The following RGS7 variants were observed in gnomAD, a reference collection of about 807,000 sequenced individuals.
The protein encoded by RGS7 is regulator of G protein signaling 7, also known as regulator of G-protein signaling 7.
A neutral mutation model predicts 81.1 loss-of-function variants in RGS7; 27 were observed. The observed-to-expected ratio is 0.33, with a 90% CI of 0.25 to 0.46. The LOEUF is 0.46. Ranked by LOEUF, RGS7 falls within the 20% of genes least tolerant of loss-of-function variation. The pLI is 1.00. For synonymous variants in RGS7, 208 were observed against 207.7 expected, an observed-to-expected ratio of 1.00 and a Z score of -0.01; for missense variants, 396 against 607.4, an observed-to-expected ratio of 0.65 and a Z score of 3.66.
intron 2 of RGS7, among the ~76,000 whole-genome samples, chr1:241,204,902 C>T (rs2073773861): frequency 1.3e-5 from 2 of 152,008 alleles, no homozygotes. Flanking sequence ...ATCTTGCTAT[C>T]AGAACTGTTG....
intron 2 of RGS7, among the ~76,000 whole-genome samples, chr1:241,323,106 T>A (rs2081301547): frequency 6.6e-6 from 1 of 152,236 alleles, no homozygotes; most frequent in Non-Finnish European, 1.5e-5. Flanking sequence ...TCATATTTAT[T>A]ATCATACACT....
intron 3 of RGS7, among the ~76,000 whole-genome samples, chr1:241,076,511 T>C (rs79119078): frequency 1.4e-3 from 212 of 152,326 alleles, no homozygotes; most frequent in African/African-American, 4.8e-3. Context: ...CATTCTCATA[T>C]AGTGTTCAGT....
chr1:240,858,934 T>C (rs1165998441), intron 9 of RGS7, among the ~76,000 whole-genome samples: 1 of 152,188 alleles, frequency 6.6e-6, no homozygotes, highest in African/African-American at 2.4e-5. Flanking sequence ...ATGAGAGACA[T>C]TGGTGTGTAG....
At chr1:240,948,081 T>A (rs1211364708) in intron 4 of RGS7, among the ~76,000 whole-genome samples, 1 of 152,352 alleles carries the variant, frequency 6.6e-6, no homozygotes, top group South Asian at 2.1e-4. Context: ...CAGCCCTGAC[T>A]ACACTGGTGT....
Position 241,142,765 on chromosome 1 carries a change from C to T in RGS7, c.79-44003G>A, listed in dbSNP as rs114319316. On this transcript the variant is annotated intron_variant, in intron 2 of 18. Transcript: ENST00000440928. Reference sequence around the variant, plus strand: ...CTTGGTAATTAACATTCAGCTCCTCCTTACATATGCAAATTTATGCAGCCA... The same window carrying T: ...CTTGGTAATTAACATTCAGCTCCTCTTTACATATGCAAATTTATGCAGCCA... Among the ~76,000 whole-genome samples the T allele has an allele frequency of 2.8e-3, 425 of 152,318 alleles. 5 individuals are homozygous for T. The highest frequency in any genetic ancestry group is 9.5e-3 in the African/African-American group (394 of 41,568).
chr1:241,171,143 C>A (rs1205219154), intron 2 of RGS7, among the ~76,000 whole-genome samples: 1 of 152,260 alleles, frequency 6.6e-6, no homozygotes. Flanking sequence ...AAGAAACATA[C>A]CATATTTAGA....
At chr1:240,795,138 C>T (rs1686803650) in intron 18 of RGS7, among the ~76,000 whole-genome samples, 1 of 151,194 alleles carries the variant, frequency 6.6e-6, no homozygotes, top group South Asian at 2.1e-4. Context: ...GAGCCGAGAT[C>T]ACACCATTGC....
chr1:240,935,087 T>C (rs1676398608), intron 5 of RGS7, among the ~76,000 whole-genome samples: 1 of 151,034 alleles, frequency 6.6e-6, no homozygotes. Flanking sequence ...TTAGTAGAGA[T>C]GAGGTTTCAC....
chr1:241,333,963 T>G (rs1196079791), intron 2 of RGS7, among the ~76,000 whole-genome samples: 2 of 151,582 alleles, frequency 1.3e-5, no homozygotes, highest in Non-Finnish European at 2.9e-5. Context: ...TAATAGCAAT[T>G]ATAATATTAT....
At chr1:241,311,294 G>C (rs549958027) in intron 2 of RGS7, among the ~76,000 whole-genome samples, 2 of 152,232 alleles carry the variant, frequency 1.3e-5, no homozygotes, top group South Asian at 2.1e-4. Flanking sequence ...AGGGTGCAAC[G>C]CTCTAAAAAT....
intron 9 of RGS7, among the ~76,000 whole-genome samples, chr1:240,859,903 T>C (rs1460861157): frequency 1.3e-5 from 2 of 152,216 alleles, no homozygotes; most frequent in African/African-American, 2.4e-5. Context: ...TGATAAAGCA[T>C]ATTTTTATTT....
chr1:241,272,094 C>T (rs142239805), intron 2 of RGS7, among the ~76,000 whole-genome samples: 1,522 of 151,726 alleles, frequency 0.01, 11 homozygotes, highest in African/African-American at 0.02. Flanking sequence ...CCCGGGTTCA[C>T]GCCATTCTCC....
intron 2 of RGS7, among the ~76,000 whole-genome samples, chr1:241,327,374 A>G (rs1169672022): frequency 6.6e-6 from 1 of 152,188 alleles, no homozygotes; most frequent in Non-Finnish European, 1.5e-5. Flanking sequence ...TATTGCAATG[A>G]TGAAGGCAAT....
chr1:241,165,304 A>T (rs1558146653), intron 2 of RGS7, among the ~76,000 whole-genome samples: 1 of 152,212 alleles, frequency 6.6e-6, no homozygotes, highest in Non-Finnish European at 1.5e-5. Flanking sequence ...CTAGGGGTCG[A>T]GCACACAATA....
chr1:241,182,735 G>A (rs1263392126), intron 2 of RGS7, among the ~76,000 whole-genome samples: 2 of 145,724 alleles, frequency 1.4e-5, no homozygotes. Context: ...TGCAACCTCC[G>A]CCTTGCGGGT....
chr1:240,991,228 T>C (rs1023755467), intron 3 of RGS7, among the ~76,000 whole-genome samples: 1 of 152,204 alleles, frequency 6.6e-6, no homozygotes, highest in Non-Finnish European at 1.5e-5. Context: ...TAATCTTTGT[T>C]GTGTAAGTTC....
At chr1:241,194,590 G>C (rs2072929225) in intron 2 of RGS7, among the ~76,000 whole-genome samples, 1 of 152,118 alleles carries the variant, frequency 6.6e-6, no homozygotes, top group East Asian at 1.9e-4. Context: ...CAAAGGCAAG[G>C]CTTTTGTTCT....
chr1:240,805,955 G>T (rs888250419), intron 15 of RGS7, among the ~76,000 whole-genome samples, 185 bp downstream of exon 15: 1 of 148,790 alleles, frequency 6.7e-6, no homozygotes, highest in Non-Finnish European at 1.5e-5. Flanking sequence ...ATATTCCCAG[G>T]TTTTAAAAAA....
chr1:241,118,847 C>T (rs1558741428), intron 2 of RGS7, among the ~76,000 whole-genome samples: 1 of 152,044 alleles, frequency 6.6e-6, no homozygotes, highest in East Asian at 1.9e-4. Context: ...AATGGGTACA[C>T]ATAGACATAA....
Sources: gnomAD v4.1 joint callset for allele counts (sites outside exome capture counted in the v4.1 genomes callset) on GRCh38, gnomAD v4.1.1 for gene constraint, MANE v1.5 for transcripts, NCBI Gene and HGNC (gene_info 2026-07-23, HGNC 2026-07-21) for gene names.